Variants in IFT43 observed in about 807,000 individuals in gnomAD.
The protein encoded by IFT43 is intraflagellar transport 43.
A neutral mutation model predicts 32.3 loss-of-function variants in IFT43; 33 were observed. That is an observed-to-expected ratio of 1.02 (90% CI 0.77 to 1.37). IFT43 has a LOEUF of 1.37. IFT43 is among the 40% of genes most tolerant of loss of function. The pLI is 0.00. For missense variants in IFT43, 274 were observed against 265.9 expected, an observed-to-expected ratio of 1.03 and a Z score of -0.21; for synonymous variants, 93 against 98.2, an observed-to-expected ratio of 0.95 and a Z score of 0.31.
intron 2 of IFT43, among the ~76,000 whole-genome samples, chr14:76,000,514 C>T (rs2035864953): frequency 1.3e-5 from 2 of 152,132 alleles, no homozygotes; most frequent in Admixed American, 1.3e-4. Context: ...CCTCATGATC[C>T]TCCCGCCTCG....
chr14:75,995,770 T>A (rs188185997), intron 2 of IFT43, among the ~76,000 whole-genome samples: 1 of 152,348 alleles, frequency 6.6e-6, no homozygotes, highest in East Asian at 1.9e-4. Flanking sequence ...TCCAATCGGC[T>A]GGGTTGAATG....
intron 3 of IFT43, among the ~76,000 whole-genome samples, chr14:76,046,346 C>T (rs969287261): frequency 1.3e-5 from 2 of 152,042 alleles, no homozygotes; most frequent in Admixed American, 6.5e-5. Context: ...ATGAGGTCAA[C>T]AGGTCAGGTG....
chr14:75,998,881 C>T (rs1049898605), intron 2 of IFT43, among the ~76,000 whole-genome samples: 1 of 152,172 alleles, frequency 6.6e-6, no homozygotes, highest in Non-Finnish European at 1.5e-5. Context: ...TATAGGCATG[C>T]ACCACCACGC....
At chr14:76,025,846 C>G (rs2036381787) in intron 3 of IFT43, among the ~76,000 whole-genome samples, 1 of 152,140 alleles carries the variant, frequency 6.6e-6, no homozygotes, top group Non-Finnish European at 1.5e-5. Context: ...TATAAAAACT[C>G]TGGAAGACAA....
At chr14:76,003,783 T>C (rs1272622961) in intron 2 of IFT43, among the ~76,000 whole-genome samples, 10 of 151,936 alleles carry the variant, frequency 6.6e-5, no homozygotes. Flanking sequence ...GGTTTTTGTT[T>C]TGTTTTGTTT....
intron 2 of IFT43, among the ~76,000 whole-genome samples, chr14:76,007,482 G>A (rs1399099499): frequency 6.6e-6 from 1 of 152,148 alleles, no homozygotes; most frequent in Non-Finnish European, 1.5e-5. Flanking sequence ...CAAGGTTACA[G>A]CTTGCTTCTA....
At chr14:76,078,436 C>G (rs576067910) in intron 5 of IFT43, among the ~76,000 whole-genome samples, 1 of 152,168 alleles carries the variant, frequency 6.6e-6, no homozygotes, top group Non-Finnish European at 1.5e-5. Context: ...ACTGGTGCCC[C>G]ATGAAGACAG....
At chr14:75,987,309 A>G (rs1326238021) in intron 1 of IFT43, among the ~76,000 whole-genome samples, 2 of 152,250 alleles carry the variant, frequency 1.3e-5, no homozygotes, top group African/African-American at 2.4e-5. Flanking sequence ...GCTTATTATC[A>G]GAAAGATTGT....
At chr14:76,029,284 T>C (rs746478507) in intron 3 of IFT43, among the ~76,000 whole-genome samples, 5 of 152,270 alleles carry the variant, frequency 3.3e-5, no homozygotes, top group Non-Finnish European at 7.3e-5. Flanking sequence ...TGTCTGTTCA[T>C]GGCCTTTGCC....
chr14:76,047,998 A>G (rs1024966170), intron 3 of IFT43, among the ~76,000 whole-genome samples: 2 of 152,054 alleles, frequency 1.3e-5, no homozygotes, highest in African/African-American at 4.8e-5. Flanking sequence ...AATGAGAACT[A>G]GGGAGGTTAA....
intron 6 of IFT43, 102 bp from the exon 7 acceptor site, chr14:76,082,515 T>C (rs1029883348): frequency 1.4e-6 from 2 of 1,408,390 alleles, no homozygotes; most frequent in Non-Finnish European, 2.0e-6. Flanking sequence ...CCCATTCTGG[T>C]CATCCCCTGC....
intron 1 of IFT43, among the ~76,000 whole-genome samples, chr14:75,988,343 CAG>C (rs1566692469): frequency 6.6e-6 from 1 of 152,090 alleles, no homozygotes; most frequent in East Asian, 1.9e-4. Flanking sequence ...GCCTGGGCAA[CAG>C]AGTGAGAACC....
At chr14:76,032,347 CT>C (rs1331462439) in intron 3 of IFT43, among the ~76,000 whole-genome samples, 1 of 152,192 alleles carries the variant, frequency 6.6e-6, no homozygotes, top group Non-Finnish European at 1.5e-5. Context: ...CAGAGTGACT[CT>C]TTTAAAACAT....
In IFT43 at chr14:76,082,297, A is replaced by G. The variant is rs2140099322; in HGVS notation, c.298A>G (p.Ile100Val). ...GTTGCCTCTGCCTCTCCTTGCAGAT[A>G]TTCCTATCATTCCGGATCTGGAGGA... ...SLNGSDYGGD[I>V]PIIPDLEEVQ... Residue 100 changes from isoleucine to valine, a missense_variant and splice_region_variant, in exon 6 of 9, where the codon ATT (isoleucine) becomes GTT (valine). Physicochemically the swap from Ile to Val is conservative, Grantham distance 29. Transcript: ENST00000314067. 6.2e-7 allele frequency: 1 copy of G among 1,613,988 alleles called. No individual in the cohort carries two copies. Among genetic ancestry groups the G allele is most frequent in the Non-Finnish European group, 8.5e-7 (1 of 1,179,840 alleles).
chr14:76,082,404 C>T (rs369291360), intron 6 of IFT43, 37 bp downstream of exon 6: 2 of 1,349,212 alleles, frequency 1.5e-6, no homozygotes, highest in Non-Finnish European at 2.1e-6. Flanking sequence ...AGGCAAAGAA[C>T]ACGTGAATTA....
intron 5 of IFT43, among the ~76,000 whole-genome samples, chr14:76,079,507 G>A (rs1294243608): frequency 1.3e-5 from 2 of 152,126 alleles, no homozygotes; most frequent in African/African-American, 4.8e-5. Flanking sequence ...CTAGTAGGTC[G>A]TGGAGCCGGG....
intron 2 of IFT43, among the ~76,000 whole-genome samples, chr14:76,008,187 G>C (rs2036013810): frequency 6.6e-6 from 1 of 152,062 alleles, no homozygotes; most frequent in Non-Finnish European, 1.5e-5. Flanking sequence ...CTTGATTTGG[G>C]CAGCTTTCAA....
intron 5 of IFT43, among the ~76,000 whole-genome samples, chr14:76,075,398 C>T (rs190270942): frequency 6.6e-6 from 1 of 152,254 alleles, no homozygotes; most frequent in African/African-American, 2.4e-5. Flanking sequence ...CTCGGGAGCT[C>T]CTCTGAGACT....
chr14:76,076,361 T>C (rs941599134), intron 5 of IFT43, among the ~76,000 whole-genome samples: 1 of 152,200 alleles, frequency 6.6e-6, no homozygotes. Flanking sequence ...GACCAGGGAA[T>C]CCTATTCAGA....
Sources: gnomAD v4.1 joint callset for allele counts (sites outside exome capture counted in the v4.1 genomes callset) on GRCh38, gnomAD v4.1.1 for gene constraint, MANE v1.5 for transcripts, NCBI Gene and HGNC (gene_info 2026-07-23, HGNC 2026-07-21) for gene names.